Variants in OLFM3 observed in about 807,000 individuals in gnomAD.
OLFM3 encodes olfactomedin 3.
Under a neutral mutation model 48.6 loss-of-function variants are expected in OLFM3, and 20 were observed. The observed-to-expected ratio is 0.41, with a 90% CI of 0.29 to 0.60. OLFM3 has a LOEUF of 0.60. Ranked by LOEUF, OLFM3 falls within the 20% of genes least tolerant of loss-of-function variation. The probability of loss-of-function intolerance (pLI) is 0.28; values close to 1 mark genes in which losing one functional copy is unlikely to be tolerated. For missense variants in OLFM3, 437 were observed against 544.3 expected, an observed-to-expected ratio of 0.80 and a Z score of 1.96; for synonymous variants, 222 against 198.1, an observed-to-expected ratio of 1.12 and a Z score of -1.01.
chr1:101,865,272 A>G (rs559704823), intron 1 of OLFM3, among the ~76,000 whole-genome samples: 8 of 152,126 alleles, frequency 5.3e-5, no homozygotes, highest in African/African-American at 1.9e-4. Context: ...CTTAAAATGA[A>G]GTTGATTTAG....
At chr1:101,894,471 T>C (rs990204009) in intron 1 of OLFM3, among the ~76,000 whole-genome samples, 1 of 152,164 alleles carries the variant, frequency 6.6e-6, no homozygotes, top group African/African-American at 2.4e-5. Flanking sequence ...AGTAAATCAG[T>C]GGGGCTATTT....
At chr1:101,962,852 G>A (rs151239029) in intron 1 of OLFM3, among the ~76,000 whole-genome samples, 17 of 152,244 alleles carry the variant, frequency 1.1e-4, no homozygotes, top group Non-Finnish European at 2.4e-4. Flanking sequence ...ATGGTCCAGG[G>A]TGGTGTATAG....
intron 1 of OLFM3, among the ~76,000 whole-genome samples, chr1:101,839,579 C>T (rs756480437): frequency 7.2e-5 from 11 of 152,120 alleles, no homozygotes; most frequent in Non-Finnish European, 1.2e-4. Flanking sequence ...GGATGAGAGG[C>T]CACCCAATTA....
intron 1 of OLFM3, among the ~76,000 whole-genome samples, chr1:101,970,201 G>A (rs1660742571): frequency 6.6e-6 from 1 of 152,086 alleles, no homozygotes; most frequent in Non-Finnish European, 1.5e-5. Context: ...ATTTTTAGTA[G>A]AGTTGGGGTT....
At chr1:101,906,035 AGG>A (rs1157894085) in intron 1 of OLFM3, among the ~76,000 whole-genome samples, 2 of 152,124 alleles carry the variant, frequency 1.3e-5, no homozygotes, top group Non-Finnish European at 2.9e-5. Context: ...AAGCTGTAAT[AGG>A]GCTGAATTTC....
chr1:101,813,359 C>T (rs990437787), intron 4 of OLFM3, among the ~76,000 whole-genome samples: 1 of 152,148 alleles, frequency 6.6e-6, no homozygotes, highest in Non-Finnish European at 1.5e-5. Flanking sequence ...TGCCTCTACT[C>T]TTCTTCCACA....
intron 1 of OLFM3, among the ~76,000 whole-genome samples, chr1:101,857,754 A>T (rs1278638784): frequency 6.6e-6 from 1 of 151,700 alleles, no homozygotes; most frequent in Non-Finnish European, 1.5e-5. Context: ...AGTCCTTTCT[A>T]GGTGTTCTGC....
At chr1:101,927,894 C>T (rs1390625031) in intron 1 of OLFM3, among the ~76,000 whole-genome samples, 2 of 151,588 alleles carry the variant, frequency 1.3e-5, no homozygotes, top group Non-Finnish European at 2.9e-5. Flanking sequence ...TGCTATATCT[C>T]TTGAATTTTT....
intron 1 of OLFM3, among the ~76,000 whole-genome samples, chr1:101,899,018 C>T (rs569594351): frequency 6.6e-6 from 1 of 152,236 alleles, no homozygotes; most frequent in Non-Finnish European, 1.5e-5. Context: ...TAACAAAGTA[C>T]CCCAAAACTT....
intron 1 of OLFM3, among the ~76,000 whole-genome samples, chr1:101,963,391 T>A (rs1379603610): frequency 7.9e-5 from 12 of 152,148 alleles, no homozygotes; most frequent in Admixed American, 2.6e-4. Flanking sequence ...GGGTCCAGTA[T>A]AAGTTTTATG....
intron 1 of OLFM3, among the ~76,000 whole-genome samples, chr1:101,988,354 T>G (rs192061501): frequency 6.1e-4 from 93 of 152,198 alleles, no homozygotes; most frequent in African/African-American, 2.2e-3. Context: ...ACAGGAGTAT[T>G]GAAGTTGCAG....
intron 1 of OLFM3, among the ~76,000 whole-genome samples, chr1:101,860,238 C>CT (rs1656597405): frequency 6.6e-6 from 1 of 151,940 alleles, no homozygotes; most frequent in Non-Finnish European, 1.5e-5. Context: ...AAGTAATCCA[C>CT]TTTAAATAGG....
intron 1 of OLFM3, among the ~76,000 whole-genome samples, chr1:101,983,752 C>T (rs1661162599): frequency 6.6e-6 from 1 of 152,088 alleles, no homozygotes; most frequent in African/African-American, 2.4e-5. Flanking sequence ...GCAAACTATA[C>T]AACACATTTT....
At chr1:101,934,740 TA>T (rs754275562) in intron 1 of OLFM3, among the ~76,000 whole-genome samples, 290 of 149,876 alleles carry the variant, frequency 1.9e-3, no homozygotes, top group Non-Finnish European at 3.5e-3. Context: ...CTCAGTAAAT[TA>T]AAAAAAAACA....
chr1:101,937,471 A>G (rs932131421), intron 1 of OLFM3, among the ~76,000 whole-genome samples: 1 of 152,146 alleles, frequency 6.6e-6, no homozygotes, highest in East Asian at 1.9e-4. Flanking sequence ...AGGTAATTGA[A>G]TCATGGCGGC....
intron 1 of OLFM3, among the ~76,000 whole-genome samples, chr1:101,952,663 C>T (rs1484933236): frequency 6.6e-6 from 1 of 151,938 alleles, no homozygotes; most frequent in African/African-American, 2.4e-5. Flanking sequence ...AATAATGAAA[C>T]TACTAAGATA....
chr1:101,812,517 T>G (rs954639195), intron 4 of OLFM3: 2 of 985,294 alleles, frequency 2.0e-6, no homozygotes. Context: ...TAATCCGATG[T>G]TGATTAGTTG....
chr1:101,837,076 A>C (rs768079535), intron 1 of OLFM3, 51 bp from the exon 2 acceptor site: 1 of 1,546,920 alleles, frequency 6.5e-7, no homozygotes. Flanking sequence ...TATAGGATAA[A>C]AAGAGTGTTG....
intron 1 of OLFM3, among the ~76,000 whole-genome samples, chr1:101,898,477 T>A (rs1658279926): frequency 6.6e-6 from 1 of 152,138 alleles, no homozygotes; most frequent in Non-Finnish European, 1.5e-5. Flanking sequence ...CTTCTCCATG[T>A]TTAAGGGGTT....
Sources: allele counts gnomAD v4.1 joint callset (sites outside exome capture counted in the v4.1 genomes callset), GRCh38; gene constraint gnomAD v4.1.1; transcripts MANE v1.5; gene names NCBI Gene and HGNC (gene_info 2026-07-23, HGNC 2026-07-21).